The following PPFIBP2 variants were observed in gnomAD, a reference collection of about 807,000 sequenced individuals.
PPFIBP2 encodes PPFIB scaffold protein 2.
A neutral mutation model predicts 118.3 loss-of-function variants in PPFIBP2; 118 were observed. That is an observed-to-expected ratio of 1.00 (90% CI 0.86 to 1.16). PPFIBP2 has a LOEUF of 1.16. PPFIBP2 is among the 50% of genes most tolerant of loss of function. The pLI, the probability that PPFIBP2 is intolerant of heterozygous loss-of-function variation, is 0.00. For missense variants in PPFIBP2, 1,195 were observed against 1,073.1 expected (o/e 1.11, Z -1.59); for synonymous variants, 414 against 397.4 (o/e 1.04, Z -0.50).
intron 1 of PPFIBP2, chr11:7,548,342 A>C (rs1852555505): frequency 6.6e-6 from 1 of 152,250 alleles, no homozygotes; most frequent in Non-Finnish European, 1.5e-5. Flanking sequence ...CCCACTTCAC[A>C]GGAAAAACTG....
At chr11:7,594,820 C>T (rs969339578) in intron 4 of PPFIBP2, among the ~76,000 whole-genome samples, 4 of 146,470 alleles carry the variant, frequency 2.7e-5, no homozygotes, top group African/African-American at 7.6e-5. Context: ...GGAAGGCTGA[C>T]GTAGGAGAAT....
At chr11:7,541,877 G>A (rs558858754) in intron 1 of PPFIBP2, among the ~76,000 whole-genome samples, 1 of 152,288 alleles carries the variant, frequency 6.6e-6, no homozygotes, top group Non-Finnish European at 1.5e-5. Flanking sequence ...CAAAAACCGT[G>A]TAGGCACACT....
chr11:7,523,106 G>T (rs1415918429), intron 1 of PPFIBP2, among the ~76,000 whole-genome samples: 2 of 152,106 alleles, frequency 1.3e-5, no homozygotes, highest in Non-Finnish European at 2.9e-5. Flanking sequence ...TCAGATGGCT[G>T]GATGAGGGCT....
intron 17 of PPFIBP2, 87 bp downstream of exon 17, chr11:7,642,513 T>C (rs1246947170): frequency 6.2e-5 from 90 of 1,447,276 alleles, no homozygotes; most frequent in Non-Finnish European, 7.9e-5. Flanking sequence ...TCTTTACTCC[T>C]GTGTTTTGCG....
intron 6 of PPFIBP2, 91 bp downstream of exon 6, chr11:7,610,513 G>T: frequency 6.6e-7 from 1 of 1,525,860 alleles, no homozygotes. Context: ...CAGCCTGGAA[G>T]CTATTGGGTG....
intron 2 of PPFIBP2, among the ~76,000 whole-genome samples, chr11:7,562,938 T>C (rs1319169044): frequency 1.5e-5 from 1 of 68,878 alleles, no homozygotes; most frequent in Non-Finnish European, 2.9e-5. Flanking sequence ...TTTATATATA[T>C]ATATATATAT....
rs141621858 is a variant in PPFIBP2 at position 7,649,598 on chromosome 11, G to A, written c.2065G>A (p.Val689Met). The A allele has an allele frequency of 5.0e-5, 80 of 1,614,158 alleles. No individual in the cohort carries two copies. The highest frequency in any genetic ancestry group is 3.3e-4 in the African/African-American group (25 of 75,008). Residue 689 changes from valine (V) to methionine (M), a missense_variant, in exon 21 of 24, where the codon GTG becomes ATG. Val to Met is a conservative substitution (Grantham distance 21). Transcript: ENST00000299492. ...HHLSIKCAIH[V>M]LHVNKFNPHC... ...TCTCAGCATCAAATGTGCCATTCAC[G>A]TGCTGCATGTCAACAAGTTCAACCC... is the stretch of plus-strand genomic sequence containing the variant.
chr11:7,599,089 A>G (rs1860927803), intron 5 of PPFIBP2, among the ~76,000 whole-genome samples: 1 of 151,924 alleles, frequency 6.6e-6, no homozygotes, highest in Non-Finnish European at 1.5e-5. Flanking sequence ...TGACTAGCAA[A>G]AGGAATTGAG....
intron 1 of PPFIBP2, among the ~76,000 whole-genome samples, chr11:7,525,489 C>T (rs1292234855): frequency 1.3e-5 from 2 of 152,184 alleles, no homozygotes; most frequent in African/African-American, 4.8e-5. Context: ...GTTGCATGCT[C>T]TGGGCTTCCA....
At chr11:7,630,718 G>A (rs1022837944) in intron 10 of PPFIBP2, among the ~76,000 whole-genome samples, 1 of 152,168 alleles carries the variant, frequency 6.6e-6, no homozygotes, top group South Asian at 2.1e-4. Flanking sequence ...CCTCTGTTCT[G>A]CAGATAAACT....
intron 3 of PPFIBP2, among the ~76,000 whole-genome samples, chr11:7,590,518 G>A (rs138079114): frequency 1.8e-3 from 269 of 152,264 alleles, no homozygotes; most frequent in African/African-American, 5.7e-3. Context: ...TTGGCTCCTC[G>A]AATCTGTTAT....
At chr11:7,601,373 A>G (rs1397417029) in intron 5 of PPFIBP2, among the ~76,000 whole-genome samples, 2 of 152,172 alleles carry the variant, frequency 1.3e-5, no homozygotes, top group Non-Finnish European at 2.9e-5. Context: ...ACATGAGCCC[A>G]CCTAGATTAT....
At chr11:7,535,729 G>A (rs1208731563) in intron 1 of PPFIBP2, among the ~76,000 whole-genome samples, 2 of 152,200 alleles carry the variant, frequency 1.3e-5, no homozygotes, top group Non-Finnish European at 2.9e-5. Flanking sequence ...TGCTGTGGGA[G>A]AGGCCAGGTG....
At chr11:7,604,486 A>G (rs2135417573) in intron 5 of PPFIBP2, among the ~76,000 whole-genome samples, 1 of 145,406 alleles carries the variant, frequency 6.9e-6, no homozygotes, top group South Asian at 2.2e-4. Flanking sequence ...ACACCCCCCC[A>G]TACCTACTCA....
At chr11:7,602,596 G>A (rs1303250995) in intron 5 of PPFIBP2, among the ~76,000 whole-genome samples, 1 of 152,164 alleles carries the variant, frequency 6.6e-6, no homozygotes, top group South Asian at 2.1e-4. Context: ...CCAGAGACTG[G>A]CCATTTACAG....
intron 1 of PPFIBP2, among the ~76,000 whole-genome samples, chr11:7,545,344 C>T (rs1398509292): frequency 1.3e-5 from 2 of 152,120 alleles, no homozygotes; most frequent in Non-Finnish European, 2.9e-5. Flanking sequence ...GCACAAGAAT[C>T]GCTTGAGCCT....
chr11:7,551,488 A>G (rs545037871), intron 2 of PPFIBP2, among the ~76,000 whole-genome samples: 21 of 152,304 alleles, frequency 1.4e-4, no homozygotes, highest in South Asian at 4.1e-4. Flanking sequence ...TCTTTCACCA[A>G]TACCACACTG....
In PPFIBP2 at chr11:7,625,758, T is replaced by A. The variant is rs377244110; in HGVS notation, c.712-19T>A. On this transcript the variant is annotated intron_variant, in intron 7 of 23. Transcript: ENST00000299492. ...GGCAGTCCTTCTGACCTGGTAGGGA[T>A]CCTCTGTTGCTCTTCCAGGCTGAAG... The A allele has an allele frequency of 3.1e-6, 5 of 1,607,366 alleles. No homozygotes were observed. The African/African-American group carries it at 5.3e-5, about 17-fold the overall frequency.
chr11:7,640,830 C>T (rs372280247), intron 15 of PPFIBP2, among the ~76,000 whole-genome samples: 5 of 152,310 alleles, frequency 3.3e-5, no homozygotes, highest in African/African-American at 1.2e-4. Context: ...CACTTGGTCC[C>T]CTCACATGAA....
Sources: allele counts gnomAD v4.1 joint callset (sites outside exome capture counted in the v4.1 genomes callset), GRCh38; gene constraint gnomAD v4.1.1; transcripts MANE v1.5; gene names NCBI Gene and HGNC (gene_info 2026-07-23, HGNC 2026-07-21).